The following FMNL2 variants were observed in gnomAD, a reference collection of about 807,000 sequenced individuals.
FMNL2 encodes the protein formin-like protein 2.
FMNL2 carries 51 observed loss-of-function variants against 130.2 expected under a neutral mutation model. The observed-to-expected ratio is 0.39, with a 90% confidence interval of 0.31 to 0.49. The LOEUF (loss-of-function observed/expected upper bound fraction) is 0.49. Among genes scored for constraint, FMNL2 ranks in the 20% least tolerant of loss-of-function variants. The pLI, the probability that FMNL2 is intolerant of heterozygous loss-of-function variation, is 0.85. For synonymous variants in FMNL2, 465 were observed against 467.1 expected, an observed-to-expected ratio of 1.00 and a Z score of 0.06; for missense variants, 977 against 1,316.2, an observed-to-expected ratio of 0.74 and a Z score of 3.99.
At chr2:152,556,713 A>G (rs971495485) in intron 4 of FMNL2, among the ~76,000 whole-genome samples, 1 of 152,188 alleles carries the variant, frequency 6.6e-6, no homozygotes, top group Non-Finnish European at 1.5e-5. Context: ...AGTTGACACA[A>G]GGGCAGGCAC....
Position 152,619,552 on chromosome 2 carries a change from G to GCCACCCCCCCCCCCCCCCCCCCCCCCCC in FMNL2, c.1673_1674insACCCCCCCCCCCCCCCCCCCCCCCCCCC (p.Pro569SerfsTer21). 9.2e-6 allele frequency: 13 copies of GCCACCCCCCCCCCCCCCCCCCCCCCCCC among 1,417,670 alleles called. No individual in the cohort carries two copies. Among genetic ancestry groups the GCCACCCCCCCCCCCCCCCCCCCCCCCCC allele is most frequent in the South Asian group, 8.9e-5 (7 of 79,012 alleles). 87.8% of individuals were successfully genotyped at this position (1,417,670 alleles called of 1,614,324 possible). A position where few individuals can be genotyped will look rare whatever the true frequency, so the allele number is the denominator to read the frequency against. On this transcript the variant is annotated frameshift_variant, in exon 15 of 26. Coordinates refer to ENST00000288670, the MANE Select transcript of FMNL2 (RefSeq NM_052905.4). LOFTEE classifies it high-confidence loss of function. Reference sequence around the variant, plus strand: ...CACCACCTATGCCACCGCCGCCGCCGCCCCCTCCTCCACCTCCTCCTCCCC... The same window carrying GCCACCCCCCCCCCCCCCCCCCCCCCCCC: ...CACCACCTATGCCACCGCCGCCGCCGCCACCCCCCCCCCCCCCCCCCCCCCCCCCCCCCTCCTCCACCTCCTCCTCCCC...
At chr2:152,487,937 A>G (rs1202163928) in intron 1 of FMNL2, among the ~76,000 whole-genome samples, 4 of 152,042 alleles carry the variant, frequency 2.6e-5, no homozygotes, top group Non-Finnish European at 5.9e-5. Flanking sequence ...ACAGGCGCAC[A>G]CCACCACACC....
At chr2:152,466,848 G>A (rs116047843) in intron 1 of FMNL2, among the ~76,000 whole-genome samples, 50 of 152,314 alleles carry the variant, frequency 3.3e-4, no homozygotes, top group African/African-American at 1.2e-3. Flanking sequence ...AGTGCTGTGA[G>A]TGGGATGCCA....
intron 1 of FMNL2, among the ~76,000 whole-genome samples, chr2:152,356,584 C>G (rs1401676551): frequency 6.6e-6 from 1 of 152,212 alleles, no homozygotes; most frequent in East Asian, 1.9e-4. Flanking sequence ...TATGGTCACT[C>G]ACAGACCACA....
intron 1 of FMNL2, among the ~76,000 whole-genome samples, chr2:152,388,920 T>C (rs899676629): frequency 6.6e-6 from 1 of 152,154 alleles, no homozygotes; most frequent in African/African-American, 2.4e-5. Flanking sequence ...GTCACCTCAG[T>C]CCTCACTAAA....
intron 25 of FMNL2, chr2:152,643,358 AAT>A (rs1294315789): frequency 6.5e-7 from 1 of 1,534,426 alleles, no homozygotes; most frequent in African/African-American, 1.4e-5. Flanking sequence ...GTACTAATGC[AAT>A]AGATCTTGGC....
chr2:152,456,852 C>A (rs1415347612), intron 1 of FMNL2, among the ~76,000 whole-genome samples: 1 of 150,480 alleles, frequency 6.6e-6, no homozygotes, highest in African/African-American at 2.5e-5. Flanking sequence ...GCAGGAGAAT[C>A]GCTTGAACTT....
chr2:152,444,431 T>C (rs1346352787), intron 1 of FMNL2, among the ~76,000 whole-genome samples: 1 of 152,220 alleles, frequency 6.6e-6, no homozygotes, highest in Non-Finnish European at 1.5e-5. Flanking sequence ...CGGGTTTGCC[T>C]CACTTAGGTG....
intron 9 of FMNL2, among the ~76,000 whole-genome samples, chr2:152,599,473 G>A (rs1490704456): frequency 7.4e-6 from 1 of 135,444 alleles, no homozygotes; most frequent in African/African-American, 2.8e-5. Context: ...CATTGAAGGG[G>A]TGATGCGTCA....
chr2:152,485,936 G>A (rs1690801630), intron 1 of FMNL2, among the ~76,000 whole-genome samples: 1 of 152,204 alleles, frequency 6.6e-6, no homozygotes, highest in East Asian at 1.9e-4. Flanking sequence ...CATGGGAGGA[G>A]CGTGCAATTT....
At chr2:152,561,808 C>T (rs1273538644) in intron 6 of FMNL2, among the ~76,000 whole-genome samples, 1 of 152,108 alleles carries the variant, frequency 6.6e-6, no homozygotes, top group Non-Finnish European at 1.5e-5. Flanking sequence ...GAACTCCTGA[C>T]CTCAGGTGAT....
intron 1 of FMNL2, among the ~76,000 whole-genome samples, chr2:152,515,331 C>T (rs555278381): frequency 4.6e-5 from 7 of 152,162 alleles, no homozygotes; most frequent in African/African-American, 1.7e-4. Context: ...TATTTGTATC[C>T]TCACCTTGAT....
chr2:152,607,712 T>C (rs1315913944), intron 10 of FMNL2: 1 of 225,574 alleles, frequency 4.4e-6, no homozygotes, highest in Non-Finnish European at 8.8e-6. Flanking sequence ...CTGCCATTGT[T>C]TAATTGTTGA....
chr2:152,640,880 G>A lies in FMNL2; in HGVS notation c.3135G>A (p.Glu1045=). ...TTAAAGATAACAGACATGTATATGA[G>A]GGAAAAGATGGTGCCATTGAAGATA... ...RQVKDNRHVY[E]GKDGAIEDII... is the part of the protein sequence containing the mutation. The change falls in exon 25 of 26, where the codon GAG becomes GAA. Residue 1045 remains glutamate (E), a synonymous_variant. Transcript: ENST00000288670. 6.2e-7 allele frequency: 1 copy of A among 1,613,792 alleles called. No individual in the cohort carries two copies. The highest frequency in any genetic ancestry group is 1.1e-5 in the South Asian group (1 of 91,068).
intron 1 of FMNL2, among the ~76,000 whole-genome samples, chr2:152,471,153 GAAA>G (rs57848148): frequency 1.4e-5 from 2 of 137,958 alleles, no homozygotes; most frequent in South Asian, 2.2e-4. Flanking sequence ...GTGATTTAAA[GAAA>G]AAAAAAAAAA....
Position 152,351,931 on chromosome 2 carries a change from G to A in FMNL2, c.117+16211G>A, listed in dbSNP as rs568099626. ...TGGTATCTCATCGTGGTTTTGATTT[G>A]CATTTCTCTAATGACTAGTGATGAT... On this transcript the variant is annotated intron_variant, in intron 1 of 25. Transcript: ENST00000288670. 1.1e-4 allele frequency among the ~76,000 whole-genome samples: 17 copies of A among 152,282 alleles called. No individual in the cohort carries two copies. The South Asian group carries it at 3.1e-3, about 28-fold the overall frequency.
chr2:152,421,062 TTAG>T (rs895944856), intron 1 of FMNL2, among the ~76,000 whole-genome samples: 5 of 152,194 alleles, frequency 3.3e-5, no homozygotes, highest in Admixed American at 3.3e-4. Flanking sequence ...AGCATTGTTA[TTAG>T]TAGGTAAAAT....
At chr2:152,411,025 T>C (rs933929885) in intron 1 of FMNL2, among the ~76,000 whole-genome samples, 2 of 152,198 alleles carry the variant, frequency 1.3e-5, no homozygotes, top group African/African-American at 4.8e-5. Context: ...GTCTCTGAAT[T>C]AATTAGAGCA....
chr2:152,590,044 C>T (rs1209081470), intron 9 of FMNL2, among the ~76,000 whole-genome samples: 4 of 119,976 alleles, frequency 3.3e-5, no homozygotes, highest in Non-Finnish European at 7.0e-5. Context: ...CATACATATA[C>T]ATATATATAT....
Sources: allele counts gnomAD v4.1 joint callset (sites outside exome capture counted in the v4.1 genomes callset), GRCh38; gene constraint gnomAD v4.1.1; transcripts MANE v1.5; gene names NCBI Gene and HGNC (gene_info 2026-07-23, HGNC 2026-07-21).